The following IGFL2 variants were observed in gnomAD, a reference collection of about 807,000 sequenced individuals.
The protein encoded by IGFL2 is insulin growth factor-like family member 2.
IGFL2 carries 7 observed loss-of-function variants against 13.9 expected under a neutral mutation model. The observed-to-expected ratio is 0.51, with a 90% CI of 0.29 to 0.95. The LOEUF (loss-of-function observed/expected upper bound fraction) is 0.95, where lower values mean the gene tolerates loss of function less well. Among genes scored for constraint, IGFL2 ranks in the 40% least tolerant of loss-of-function variants. The pLI, the probability that IGFL2 is intolerant of heterozygous loss-of-function variation, is 0.08. For synonymous variants in IGFL2, 55 were observed against 55.8 expected, an observed-to-expected ratio of 0.99 and a Z score of 0.07; for missense variants, 138 against 147.8, an observed-to-expected ratio of 0.93 and a Z score of 0.34.
chr19:46,110,168 G>T, the IGFL2 span, among the ~76,000 whole-genome samples: 1 of 152,226 alleles, frequency 6.6e-6, no homozygotes, highest in Non-Finnish European at 1.5e-5. Flanking sequence ...CCTGAGTTAT[G>T]AACCTGTCAC....
At chr19:46,139,238 T>G (rs1045108340), upstream of IGFL2, among the ~76,000 whole-genome samples, 3 of 151,474 alleles carry the variant, frequency 2.0e-5, no homozygotes, top group Admixed American at 6.6e-5. Flanking sequence ...TTCGAAGATC[T>G]GCTTGGTGTA....
the IGFL2 span, among the ~76,000 whole-genome samples, chr19:46,090,665 C>T: frequency 6.6e-6 from 1 of 152,216 alleles, no homozygotes; most frequent in Non-Finnish European, 1.5e-5. Context: ...GAGGCTGGCA[C>T]AGAGCTGGCA....
the IGFL2 span, among the ~76,000 whole-genome samples, chr19:46,200,318 A>G: frequency 1.3e-5 from 2 of 151,768 alleles, no homozygotes; most frequent in African/African-American, 2.4e-5. Context: ...CAGGCCCATG[A>G]CATTATGCCC....
the IGFL2 span, among the ~76,000 whole-genome samples, chr19:46,191,506 A>G: frequency 6.6e-6 from 1 of 152,170 alleles, no homozygotes; most frequent in East Asian, 1.9e-4. Context: ...GCCAGAGTGG[A>G]TAGGTGCATC....
the IGFL2 span, chr19:46,137,409 C>G: frequency 2.8e-6 from 3 of 1,054,638 alleles, no homozygotes; most frequent in African/African-American, 1.6e-5. Context: ...AGTGCTTTTT[C>G]TTGCTCGGAA....
the IGFL2 span, chr19:46,203,474 C>G: frequency 6.6e-6 from 1 of 152,252 alleles, no homozygotes; most frequent in Non-Finnish European, 1.5e-5. Context: ...TGGTTTCTTA[C>G]AGTTTTTGCT....
At chr19:46,109,161 G>C in the IGFL2 span, among the ~76,000 whole-genome samples, 2 of 152,188 alleles carry the variant, frequency 1.3e-5, no homozygotes, top group South Asian at 4.2e-4. Context: ...CCTGGGTACA[G>C]GTGGGCTGAG....
At chr19:46,194,830 TTATATA>T in the IGFL2 span, among the ~76,000 whole-genome samples, 733 of 46,736 alleles carry the variant, frequency 0.016, 22 homozygotes, top group Middle Eastern at 0.062. Flanking sequence ...CTTCCTCATT[TTATATA>T]TATATATATA....
At chr19:46,197,262 C>T in the IGFL2 span, 1 of 192,802 alleles carries the variant, frequency 5.2e-6, no homozygotes, top group Admixed American at 5.2e-5. Flanking sequence ...TGACCCTGAC[C>T]TCAGATAACA....
upstream of IGFL2, among the ~76,000 whole-genome samples, chr19:46,140,485 G>A (rs972127099): frequency 6.6e-6 from 1 of 152,110 alleles, no homozygotes. Flanking sequence ...CAAGTCTAAC[G>A]TAGGCAACAT....
intron 1 of IGFL2, among the ~76,000 whole-genome samples, 154 bp downstream of exon 1, chr19:46,148,451 C>G (rs1038133516): frequency 1.3e-5 from 2 of 152,160 alleles, no homozygotes; most frequent in Non-Finnish European, 2.9e-5. Context: ...AATCTCTCTT[C>G]CCCACCTGCA....
At chr19:46,186,276 C>A in the IGFL2 span, among the ~76,000 whole-genome samples, 1 of 152,196 alleles carries the variant, frequency 6.6e-6, no homozygotes, top group African/African-American at 2.4e-5. Flanking sequence ...ACCTGAAGAC[C>A]CAGATCAGAC....
rs1314902815 is a variant in IGFL2 at position 46,160,652 on chromosome 19, C to A, written c.112C>A (p.Pro38Thr). ...AGAACCATGGCTGTGCCAGCCGGCA[C>A]CCAGGTGTGGAGACAAGATCTACAA... ...GSEPWLCQPA[P>T]RCGDKIYNPL... The change falls in exon 3 of 4, where the codon CCC becomes ACC. Residue 38 changes from proline (P) to threonine (T), a missense_variant. Pro to Thr is a conservative substitution (Grantham distance 38). Coordinates refer to ENST00000377693, the MANE Select transcript of IGFL2 (RefSeq NM_001135113.2). 1 of 1,613,976 alleles carries A rather than the reference C, an allele frequency of 6.2e-7. No homozygotes were observed. The highest frequency in any genetic ancestry group is 2.2e-5 in the East Asian group (1 of 44,890).
the IGFL2 span, chr19:46,198,009 C>CCCTG: frequency 1.2e-5 from 1 of 83,644 alleles, no homozygotes; most frequent in African/African-American, 4.4e-5. Flanking sequence ...CCCCCTCCCT[C>CCCTG]CCTCCCTCCC....
chr19:46,187,740 C>T, the IGFL2 span, among the ~76,000 whole-genome samples: 1 of 148,242 alleles, frequency 6.7e-6, no homozygotes, highest in Non-Finnish European at 1.5e-5. Context: ...CCATTTATAC[C>T]TGAGGTTGTG....
chr19:46,135,039 A>G, the IGFL2 span, among the ~76,000 whole-genome samples: 10 of 152,216 alleles, frequency 6.6e-5, no homozygotes, highest in African/African-American at 2.4e-4. Flanking sequence ...TCTTGATAAT[A>G]TCTGTAGGTA....
chr19:46,148,361 C>T, intron 1 of IGFL2, 64 bp downstream of exon 1: 5 of 1,354,884 alleles, frequency 3.7e-6, no homozygotes, highest in Non-Finnish European at 5.2e-6. Context: ...ACCTCTGAAC[C>T]TCAAACTTAA....
upstream of IGFL2, among the ~76,000 whole-genome samples, chr19:46,144,827 T>C (rs1289568544): frequency 1.3e-5 from 2 of 152,270 alleles, no homozygotes; most frequent in East Asian, 3.9e-4. Flanking sequence ...CACTCTTTCC[T>C]ATAGTTTTGC....
chr19:46,127,447 T>C, the IGFL2 span, among the ~76,000 whole-genome samples: 1 of 152,224 alleles, frequency 6.6e-6, no homozygotes, highest in African/African-American at 2.4e-5. Flanking sequence ...ATTTAGGTCA[T>C]AGGCAATCAT....
Sources: allele counts gnomAD v4.1 joint callset (sites outside exome capture counted in the v4.1 genomes callset), GRCh38; gene constraint gnomAD v4.1.1; transcripts MANE v1.5; gene names NCBI Gene and HGNC (gene_info 2026-07-23, HGNC 2026-07-21).